The following DPP6 variants were observed in gnomAD, a reference collection of about 807,000 sequenced individuals.
DPP6 encodes A-type potassium channel modulatory protein DPP6.
A neutral mutation model predicts 122.6 loss-of-function variants in DPP6; 69 were observed. The observed-to-expected ratio is 0.56, with a 90% CI of 0.46 to 0.69. DPP6 has a LOEUF of 0.69. DPP6 is among the 30% of genes least tolerant of loss of function. The probability of loss-of-function intolerance (pLI) is 0.00; values close to 1 mark genes in which losing one functional copy is unlikely to be tolerated. For synonymous variants in DPP6, 418 were observed against 433.1 expected, an observed-to-expected ratio of 0.97 and a Z score of 0.43; for missense variants, 928 against 1,116.9, an observed-to-expected ratio of 0.83 and a Z score of 2.41.
chr7:153,755,588 T>G, the DPP6 span, among the ~76,000 whole-genome samples: 255 of 152,230 alleles, frequency 1.7e-3, 3 homozygotes, highest in Non-Finnish European at 2.4e-3. Flanking sequence ...TTCTATTCTT[T>G]CCTGCCCCTT....
rs1331369951 is a variant in DPP6 at position 154,603,050 on chromosome 7, A to G, written c.628-34771A>G. On this transcript the variant is annotated intron_variant, in intron 5 of 25. Transcript: ENST00000377770. ...ATTATTTTTCTTTCAGTACTTAACTATATCATTCCTTGTCTTCTGGCTAGC... is the reference window on the plus strand; with the variant it reads ...ATTATTTTTCTTTCAGTACTTAACTGTATCATTCCTTGTCTTCTGGCTAGC... Among the ~76,000 whole-genome samples, 2 of 120,180 alleles carry G rather than the reference A, an allele frequency of 1.7e-5. 1 individual carries two copies. Among genetic ancestry groups the G allele is most frequent in the Non-Finnish European group, 3.7e-5 (2 of 53,562 alleles). 78.8% of individuals were successfully genotyped at this position (120,180 alleles called of 152,430 possible).
chr7:153,923,760 C>CAAAAAAA lies in DPP6; in HGVS notation c.51+36042_51+36048dup, dbSNP rs1158548494. ...TGGGCAACAGAGCGAGACTCCATCT[C>CAAAAAAA]AAAAAAAAAAAAAAAAAAAAAAGAA... On this transcript the variant is annotated intron_variant, in intron 1 of 25. Coordinates refer to the DPP6 transcript ENST00000404039. Among the ~76,000 whole-genome samples the CAAAAAAA allele has an allele frequency of 3.1e-3, 144 of 46,552 alleles. 6 individuals carry two copies. Among genetic ancestry groups the CAAAAAAA allele is most frequent in the African/African-American group, 4.5e-3 (47 of 10,388 alleles). The allele number at this position is 46,552 out of a possible 152,430, so 30.5% of individuals were successfully genotyped here. A position where few individuals can be genotyped will look rare whatever the true frequency, so the allele number is the denominator to read the frequency against.
intron 1 of DPP6, among the ~76,000 whole-genome samples, chr7:154,035,976 A>G (rs1799498459): frequency 6.6e-6 from 1 of 151,808 alleles, no homozygotes; most frequent in African/African-American, 2.4e-5. Context: ...AGAGTATGGC[A>G]TGAAATCAGA....
At chr7:154,217,611 A>G (rs561118661) in intron 1 of DPP6, among the ~76,000 whole-genome samples, 17 of 152,368 alleles carry the variant, frequency 1.1e-4, no homozygotes, top group African/African-American at 3.8e-4. Context: ...GTAACAACAT[A>G]AAAAGTACAT....
At chr7:153,978,315 AT>A (rs1031651912) in intron 1 of DPP6, among the ~76,000 whole-genome samples, 10 of 152,020 alleles carry the variant, frequency 6.6e-5, no homozygotes, top group African/African-American at 2.4e-4. Context: ...TGATGGTGAG[AT>A]TTTTTTCATA....
chr7:154,574,317 GTGTATGTGTGTGTGGTT>G, intron 5 of DPP6, among the ~76,000 whole-genome samples: 1 of 135,420 alleles, frequency 7.4e-6, no homozygotes, highest in East Asian at 2.3e-4. Context: ...GTGGTGTGCT[GTGTATGTGTGTGTGGTT>G]TGTGTGTGGT....
At chr7:154,307,864 C>CTT (rs10718595) in intron 1 of DPP6, among the ~76,000 whole-genome samples, 1 of 133,574 alleles carries the variant, frequency 7.5e-6, no homozygotes, top group Non-Finnish European at 1.6e-5. Context: ...GAATATGTTT[C>CTT]TTTTTTTTTT....
chr7:154,438,469 C>CAAGAAAAAAAAAA (rs1819077383), intron 1 of DPP6, among the ~76,000 whole-genome samples: 1 of 37,464 alleles, frequency 2.7e-5, no homozygotes, highest in Non-Finnish European at 4.8e-5. Context: ...GACTCCAACT[C>CAAGAAAAAAAAAA]AAAAAAAAAA....
At chr7:153,859,965 T>G in the DPP6 span, among the ~76,000 whole-genome samples, 1 of 152,186 alleles carries the variant, frequency 6.6e-6, no homozygotes, top group Non-Finnish European at 1.5e-5. Context: ...TAATTAGAAC[T>G]CATGGTGAGA....
At position 154,170,184 on chromosome 7, in the gene DPP6, C is replaced by T. The variant is rs139936301; in HGVS notation, c.243+117121C>T. ...GTCAACAGGCTCTGATCAAAGCCAC[C>T]CTTGCCGCAGCTGACCCAGCAGCCT... On this transcript the variant is annotated intron_variant, in intron 1 of 25. Transcript: ENST00000377770. Among the ~76,000 whole-genome samples, 873 of 152,236 alleles carry T rather than the reference C, an allele frequency of 5.7e-3. 7 individuals carry two copies. The highest frequency in any genetic ancestry group is 0.02 in the African/African-American group (810 of 41,538).
chr7:153,942,757 T>C (rs371383084), intron 1 of DPP6, among the ~76,000 whole-genome samples: 4 of 152,292 alleles, frequency 2.6e-5, no homozygotes, highest in South Asian at 4.1e-4. Flanking sequence ...CCACACTCTG[T>C]TCAGGAGACC....
intron 6 of DPP6, among the ~76,000 whole-genome samples, chr7:154,667,030 G>A (rs961605440): frequency 1.3e-5 from 2 of 152,134 alleles, no homozygotes; most frequent in Non-Finnish European, 2.9e-5. Context: ...AAGTCTCATA[G>A]GTGAGAAATG....
At chr7:153,918,427 AAC>A (rs5888535) in intron 1 of DPP6, among the ~76,000 whole-genome samples, 3,324 of 110,620 alleles carry the variant, frequency 0.03, 102 homozygotes, top group African/African-American at 0.087. Context: ...AGTTAATTAA[AAC>A]ACACACACAC....
At chr7:154,717,697 C>T (rs1039309046) in intron 7 of DPP6, among the ~76,000 whole-genome samples, 2 of 152,210 alleles carry the variant, frequency 1.3e-5, no homozygotes, top group Non-Finnish European at 2.9e-5. Context: ...AATAGTGCTG[C>T]AGTGAACATG....
At chr7:153,895,324 G>A (rs1468562205) in intron 1 of DPP6, among the ~76,000 whole-genome samples, 2 of 152,196 alleles carry the variant, frequency 1.3e-5, no homozygotes. Context: ...AGGGGCCTCT[G>A]CAGGCAGCTC....
chr7:154,109,187 A>G (rs1402288371), intron 1 of DPP6, among the ~76,000 whole-genome samples: 3 of 152,408 alleles, frequency 2.0e-5, no homozygotes, highest in Non-Finnish European at 4.4e-5. Context: ...TAATTTTTAA[A>G]ATAGATATGG....
intron 16 of DPP6, among the ~76,000 whole-genome samples, chr7:154,852,358 C>T (rs1018803323): frequency 3.3e-5 from 5 of 152,144 alleles, no homozygotes; most frequent in Non-Finnish European, 1.5e-5. Context: ...AAGCAGCAGC[C>T]CTGGCCACAG....
intron 1 of DPP6, among the ~76,000 whole-genome samples, chr7:154,077,391 T>C (rs1384804458): frequency 6.6e-6 from 1 of 152,208 alleles, no homozygotes; most frequent in Non-Finnish European, 1.5e-5. Flanking sequence ...ATAAAAACTT[T>C]CAGTATCATT....
At chr7:154,853,637 C>G in intron 16 of DPP6, 143 bp from the exon 17 acceptor site, 1 of 1,193,586 alleles carries the variant, frequency 8.4e-7, no homozygotes, top group East Asian at 2.5e-5. Context: ...GCCATCCCAT[C>G]ATTGATTACT....
Sources: allele counts gnomAD v4.1 joint callset (sites outside exome capture counted in the v4.1 genomes callset), GRCh38; gene constraint gnomAD v4.1.1; transcripts MANE v1.5; gene names NCBI Gene and HGNC (gene_info 2026-07-23, HGNC 2026-07-21).